PPM1G: variants seen among roughly 807,000 people sequenced by gnomAD.
PPM1G encodes the protein protein phosphatase 1G.
Under a neutral mutation model 59.4 loss-of-function variants are expected in PPM1G, and 12 were observed. That is an observed-to-expected ratio of 0.20 (90% CI 0.13 to 0.33). The LOEUF (loss-of-function observed/expected upper bound fraction) is 0.33. Among genes scored for constraint, PPM1G ranks in the 10% least tolerant of loss-of-function variants. The pLI, the probability that PPM1G is intolerant of heterozygous loss-of-function variation, is 1.00. For synonymous variants in PPM1G, 245 were observed against 251.9 expected (o/e 0.97, Z 0.26); for missense variants, 392 against 681.3 (o/e 0.58, Z 4.73).
Position 27,382,832 on chromosome 2 carries a change from T to TG in PPM1G, c.1202-228_1202-227insC, listed in dbSNP as rs1203831425. 1.3e-5 allele frequency among the ~76,000 whole-genome samples: 2 copies of TG among 151,166 alleles called. No individual in the cohort carries two copies. Among genetic ancestry groups the TG allele is most frequent in the African/African-American group, 4.9e-5 (2 of 41,110 alleles). ...CTTTTTATTTTAAGTCTTTTTTGTT[T>TG]TTTTTTTTTTGAGACGGAGTTTCAC... On this transcript the variant is annotated intron_variant, in intron 7 of 9. Transcript: ENST00000344034. The surrounding 1 kb of genome is among the most constrained non-coding windows in gnomAD (Gnocchi z 4.2).
intron 1 of PPM1G, among the ~76,000 whole-genome samples, chr2:27,393,924 C>T (rs552942973): frequency 6.6e-5 from 10 of 152,244 alleles, no homozygotes; most frequent in African/African-American, 2.4e-4. Context: ...CCAAGACGCT[C>T]GGCTGATTTT....
At position 27,385,010 on chromosome 2, in the gene PPM1G, T is replaced by A; in HGVS notation, c.488A>T (p.Asn163Ile). The change falls in exon 5 of 10, where the codon AAC becomes ATC. Residue 163 changes from asparagine to isoleucine, a missense_variant. This residue lies in a region of PPM1G where 188 missense variants were observed against 248.8 expected (regional missense o/e 0.76). Transcript: ENST00000344034. The surrounding 1 kb of genome is among the most constrained non-coding windows in gnomAD (Gnocchi z 4.1). ...IEELLTRYGQNCHKGPPHSKS... is the reference protein window; with the variant it reads ...IEELLTRYGQICHKGPPHSKS... ...GCTGTGGGGAGGGCCCTTGTGACAG[T>A]TCTGCCCGTAGCGTGTCAGCAGCTC... The A allele has an allele frequency of 6.2e-7, 1 of 1,614,150 alleles. No homozygotes were observed. The highest frequency in any genetic ancestry group is 8.5e-7 in the Non-Finnish European group (1 of 1,180,032).
chr2:27,393,256 C>T (rs753322302), intron 1 of PPM1G: 70 of 1,586,286 alleles, frequency 4.4e-5, no homozygotes, highest in Non-Finnish European at 6.0e-5. Flanking sequence ...TAGTAAGCCA[C>T]GCACAGGTAA....
intron 1 of PPM1G, among the ~76,000 whole-genome samples, chr2:27,407,233 T>A (rs532365199): frequency 2.6e-5 from 4 of 152,076 alleles, no homozygotes; most frequent in African/African-American, 9.6e-5. Context: ...CCCAAAGTGT[T>A]AGGATTACAG....
intron 1 of PPM1G, chr2:27,393,203 G>C: frequency 6.5e-7 from 1 of 1,541,010 alleles, no homozygotes; most frequent in Non-Finnish European, 8.9e-7. Flanking sequence ...GGTGAAGAAA[G>C]TATTTGGCAA....
rs1200922365 is a variant in PPM1G, at chr2:27,381,533, C to T, written c.*66G>A. ...CACTGCTAAGGCTAAAGGAAAAAGA[C>T]AAAACTCAGTCTCAGGTCCGGAGGG... On this transcript the variant is annotated 3_prime_UTR_variant, in exon 10 of 10. Coordinates refer to ENST00000344034, the MANE Select transcript of PPM1G (RefSeq NM_177983.3). 1 of 1,591,882 alleles carries T rather than the reference C, an allele frequency of 6.3e-7. No homozygotes were observed. The highest frequency in any genetic ancestry group is 2.2e-5 in the East Asian group (1 of 44,714).
At position 27,385,566 on chromosome 2, in the gene PPM1G, G is replaced by T; in HGVS notation, c.409+181C>A. ...GCTTACAGCTCAGATGCCACTCAACGAAGATAATTCTCTCCCTCCTTTTCA... is the reference window on the plus strand; with the variant it reads ...GCTTACAGCTCAGATGCCACTCAACTAAGATAATTCTCTCCCTCCTTTTCA... On this transcript the variant is annotated intron_variant, in intron 4 of 9. Coordinates refer to ENST00000344034, the MANE Select transcript of PPM1G (RefSeq NM_177983.3). This position sits in a 1 kb window ranked among gnomAD's most constrained non-coding sequence, Gnocchi z 4.1. The T allele has an allele frequency of 1.4e-6, 1 of 738,264 alleles. No individual in the cohort carries two copies. The highest frequency in any genetic ancestry group is 2.1e-6 in the Non-Finnish European group (1 of 476,646). 45.7% of individuals were successfully genotyped at this position (738,264 alleles called of 1,614,324 possible).
rs1572659564 is a variant in PPM1G at position 27,383,218 on chromosome 2, A to C, written c.1201+148T>G. 3 of 655,944 alleles carry C rather than the reference A, an allele frequency of 4.6e-6. No homozygotes were observed. The East Asian group carries it at 8.1e-5, about 18-fold the overall frequency. 40.6% of individuals were successfully genotyped at this position (655,944 alleles called of 1,614,324 possible). On this transcript the variant is annotated intron_variant, in intron 7 of 9. Transcript: ENST00000344034. This position sits in a 1 kb window ranked among gnomAD's most constrained non-coding sequence, Gnocchi z 5.0. ...GTATAATGATACCTCTACCCATCTTAGTTATTTCACAGAAATATAAGAACA... is the reference window on the plus strand; with the variant it reads ...GTATAATGATACCTCTACCCATCTTCGTTATTTCACAGAAATATAAGAACA...
At position 27,382,402 on chromosome 2, in the gene PPM1G, TAG is replaced by T; in HGVS notation, c.1331+72_1331+73del. ...CCTAGGTCTGCCTAGGCTCTAATCC[TAG>T]AGGTGCCCTGAGTCCTATAAGAGAA... On this transcript the variant is annotated intron_variant, in intron 8 of 9. Coordinates refer to ENST00000344034, the MANE Select transcript of PPM1G (RefSeq NM_177983.3). The surrounding 1 kb of genome is among the most constrained non-coding windows in gnomAD (Gnocchi z 4.2). The T allele has an allele frequency of 6.3e-7, 1 of 1,599,426 alleles. No homozygotes were observed. The highest frequency in any genetic ancestry group is 8.5e-7 in the Non-Finnish European group (1 of 1,172,428).
intron 1 of PPM1G, among the ~76,000 whole-genome samples, chr2:27,399,462 C>CA (rs1243635275): frequency 1.3e-5 from 2 of 152,224 alleles, no homozygotes; most frequent in South Asian, 2.1e-4. Context: ...CCTTTGAGGT[C>CA]AGGAGTTCGA....
Position 27,384,211 on chromosome 2 carries a change from A to G in PPM1G, c.826-119T>C, listed in dbSNP as rs544505083. 1 of 1,496,086 alleles carries G rather than the reference A, an allele frequency of 6.7e-7. No homozygotes were observed. The highest frequency in any genetic ancestry group is 2.3e-5 in the East Asian group (1 of 44,206). The allele number at this position is 1,496,086 out of a possible 1,614,324, so 92.7% of individuals were successfully genotyped here. Reference sequence around the variant, plus strand: ...AGGTCCTCAAAACACTGAAAGATACAAGTATATGGTCATGAAAATTGGGGG... The same window carrying G: ...AGGTCCTCAAAACACTGAAAGATACGAGTATATGGTCATGAAAATTGGGGG... On this transcript the variant is annotated intron_variant, in intron 5 of 9. Coordinates refer to ENST00000344034, the MANE Select transcript of PPM1G (RefSeq NM_177983.3). The surrounding 1 kb of genome is among the most constrained non-coding windows in gnomAD (Gnocchi z 4.8).
chr2:27,394,294 C>A (rs1294653703), intron 1 of PPM1G, among the ~76,000 whole-genome samples: 1 of 152,174 alleles, frequency 6.6e-6, no homozygotes, highest in African/African-American at 2.4e-5. Flanking sequence ...ATGCTTTCAT[C>A]TTCAGGAAAC....
rs1477097808 is a variant in PPM1G, at chr2:27,381,430, C to T, written c.*169G>A. 1.0e-5 allele frequency: 7 copies of T among 692,810 alleles called. No individual in the cohort carries two copies. Among genetic ancestry groups the T allele is most frequent in the African/African-American group, 5.4e-5 (3 of 55,736 alleles). The allele number at this position is 692,810 out of a possible 1,614,324, so 42.9% of individuals were successfully genotyped here. ...GGCTGGGAAGGACAGCAGAGGCTCC[C>T]GGCTGCAGTGTGGAGGGAGAGCCCT... On this transcript the variant is annotated 3_prime_UTR_variant, in exon 10 of 10. Transcript: ENST00000344034.
At chr2:27,403,991 T>C (rs997548369) in intron 1 of PPM1G, among the ~76,000 whole-genome samples, 1 of 152,338 alleles carries the variant, frequency 6.6e-6, no homozygotes, top group East Asian at 1.9e-4. Flanking sequence ...TAAATGTTTT[T>C]CAACCTTCAA....
In PPM1G at chr2:27,381,544, C is replaced by T; in HGVS notation, c.*55G>A. On this transcript the variant is annotated 3_prime_UTR_variant, in exon 10 of 10. Transcript: ENST00000344034. ...CTAAAGGAAAAAGACAAAACTCAGT[C>T]TCAGGTCCGGAGGGCTCAGAAAACA... The T allele has an allele frequency of 6.2e-7, 1 of 1,601,018 alleles. No homozygotes were observed. The highest frequency in any genetic ancestry group is 1.3e-5 in the African/African-American group (1 of 74,698).
intron 1 of PPM1G, among the ~76,000 whole-genome samples, chr2:27,397,396 C>T (rs1385711261): frequency 6.6e-6 from 1 of 152,122 alleles, no homozygotes; most frequent in Admixed American, 6.6e-5. Context: ...CAAGAAACTA[C>T]AGACCAATAT....
chr2:27,395,699 G>A lies in PPM1G; in HGVS notation c.121-8541C>T, dbSNP rs959088136. On this transcript the variant is annotated intron_variant, in intron 1 of 9. Transcript: ENST00000344034. ...CTCTACGAAAAAATTTTTTAAATTA[G>A]CCACAAGTGGTGGTGCACACCTGCA... Among the ~76,000 whole-genome samples, 4 of 151,834 alleles carry A rather than the reference G, an allele frequency of 2.6e-5. No homozygotes were observed. The South Asian group carries it at 8.3e-4, about 32-fold the overall frequency.
rs956017539 is a variant in PPM1G, at chr2:27,385,741, A to C, written c.409+6T>G. 1 of 1,608,704 alleles carries C rather than the reference A, an allele frequency of 6.2e-7. No homozygotes were observed. Among genetic ancestry groups the C allele is most frequent in the South Asian group, 1.1e-5 (1 of 89,842 alleles). ...TTTCCCCTCAAACAAGGGATGCCACACTCACCATCATCTTCATCAGCTACT... is the reference window on the plus strand; with the variant it reads ...TTTCCCCTCAAACAAGGGATGCCACCCTCACCATCATCTTCATCAGCTACT... On this transcript the variant is annotated splice_donor_region_variant and intron_variant, in intron 4 of 9. Coordinates refer to ENST00000344034, the MANE Select transcript of PPM1G (RefSeq NM_177983.3). The surrounding 1 kb of genome is among the most constrained non-coding windows in gnomAD (Gnocchi z 4.1).
rs553102450 is a variant in PPM1G, at chr2:27,382,849, G to C, written c.1202-244C>G. 2.1e-3 allele frequency among the ~76,000 whole-genome samples: 316 copies of C among 149,760 alleles called. No homozygotes were observed. The highest frequency in any genetic ancestry group is 6.1e-3 in the South Asian group (29 of 4,748). ...TTTTTGTTTTTTTTTTTTTGAGACGGAGTTTCACTCTTGTAGCCCAGGCTG... is the reference window on the plus strand; with the variant it reads ...TTTTTGTTTTTTTTTTTTTGAGACGCAGTTTCACTCTTGTAGCCCAGGCTG... On this transcript the variant is annotated intron_variant, in intron 7 of 9. Transcript: ENST00000344034. The surrounding 1 kb of genome is among the most constrained non-coding windows in gnomAD (Gnocchi z 4.2).
Sources: gnomAD v4.1 joint callset for allele counts (sites outside exome capture counted in the v4.1 genomes callset) on GRCh38, gnomAD v4.1.1 for gene constraint, gnomAD v4.1.1 regional missense constraint, Gnocchi (gnomAD v3.1) non-coding constraint, MANE v1.5 for transcripts, NCBI Gene and HGNC (gene_info 2026-07-23, HGNC 2026-07-21) for gene names.